Variants in NF1 observed in about 807,000 individuals in gnomAD.
The protein encoded by NF1 is neurofibromin 1.
NF1 carries 122 observed loss-of-function variants against 325.7 expected under a neutral mutation model. That is an observed-to-expected ratio of 0.37 (90% CI 0.32 to 0.44). The LOEUF (loss-of-function observed/expected upper bound fraction) is 0.44, where lower values mean the gene tolerates loss of function less well. NF1 is among the 20% of genes least tolerant of loss of function. The pLI, the probability that NF1 is intolerant of heterozygous loss-of-function variation, is 1.00. For missense variants in NF1, 2,140 were observed against 3,415.4 expected, an observed-to-expected ratio of 0.63 and a Z score of 9.31; for synonymous variants, 1,091 against 1,186.0, an observed-to-expected ratio of 0.92 and a Z score of 1.65.
At chr17:31,237,642 A>C (rs1597724671) in intron 29 of NF1, among the ~76,000 whole-genome samples, 2 of 138,732 alleles carry the variant, frequency 1.4e-5, no homozygotes, top group African/African-American at 2.8e-5. Flanking sequence ...TTTCTTGACA[A>C]CTTCTCATGT....
intron 8 of NF1, among the ~76,000 whole-genome samples, chr17:31,183,919 AC>A (rs1490076176): frequency 6.6e-6 from 1 of 152,136 alleles, no homozygotes; most frequent in Admixed American, 6.5e-5. Flanking sequence ...TAGCCTGCAG[AC>A]GGCCTATTGT....
rs141627106 is a variant in NF1 at position 31,219,772 on chromosome 17, A to G, written c.1641+654A>G. ...AACTACTAATCTATTTTCTGTCTCT[A>G]TGGATTTGCTTGTTTTAGATATTTC... On this transcript the variant is annotated intron_variant, in intron 14 of 57. Coordinates refer to ENST00000358273, the MANE Select transcript of NF1 (RefSeq NM_001042492.3). 3.9e-3 allele frequency among the ~76,000 whole-genome samples: 596 copies of G among 152,096 alleles called. 2 individuals carry two copies. Among genetic ancestry groups the G allele is most frequent in the African/African-American group, 6.8e-3 (282 of 41,504 alleles).
At chr17:31,282,226 CA>C (rs1419303987) in intron 36 of NF1, among the ~76,000 whole-genome samples, 2 of 151,634 alleles carry the variant, frequency 1.3e-5, no homozygotes, top group African/African-American at 4.8e-5. Flanking sequence ...ACTAAAAATA[CA>C]AAAAATCAGC....
intron 15 of NF1, chr17:31,222,429 C>A: frequency 9.7e-7 from 1 of 1,032,296 alleles, no homozygotes; most frequent in Non-Finnish European, 1.2e-6. Flanking sequence ...CAAATCATTA[C>A]ATTTTAATGA....
intron 36 of NF1, among the ~76,000 whole-genome samples, chr17:31,274,556 C>G (rs921296177): frequency 6.6e-6 from 1 of 152,068 alleles, no homozygotes; most frequent in East Asian, 1.9e-4. Flanking sequence ...AATAACTTCA[C>G]TTAACTGGAG....
intron 36 of NF1, among the ~76,000 whole-genome samples, chr17:31,311,454 T>C (rs572894645): frequency 6.6e-6 from 1 of 152,302 alleles, no homozygotes; most frequent in South Asian, 2.1e-4. Context: ...GATGCAAATA[T>C]AATAGATTAA....
Position 31,229,364 on chromosome 17 carries a change from G to A in NF1, c.2749G>A (p.Val917Ile), listed in dbSNP as rs752455591. The change falls in exon 21 of 58, where the codon GTT becomes ATT. Residue 917 changes from valine to isoleucine, a missense_variant. By Grantham distance (29) the Val-to-Ile change is conservative (BLOSUM62 3). Around this residue, in one of 10 missense-constraint regions of NF1, gnomAD observed 380 missense variants for 639.3 expected, o/e 0.59. Transcript: ENST00000358273. The part of the protein sequence containing the change: ...EKVGLQIRTN[V>I]KDLVGLELSP... ...AGTGGGACTTCAAATACGGACCAAT[G>A]TTAAGGATCTGGTGGGTCTAGAATT... The A allele has an allele frequency of 5.6e-6, 9 of 1,613,936 alleles. No individual in the cohort carries two copies. The highest frequency in any genetic ancestry group is 1.7e-4 in the Middle Eastern group (1 of 6,056).
chr17:31,111,286 T>C (rs1811337767), intron 1 of NF1, among the ~76,000 whole-genome samples: 2 of 151,216 alleles, frequency 1.3e-5, no homozygotes, highest in Admixed American at 1.3e-4. Context: ...AAAAGTCTAA[T>C]GTGTAATTGG....
chr17:31,312,177 C>T (rs1034677646), intron 36 of NF1, among the ~76,000 whole-genome samples: 1 of 151,946 alleles, frequency 6.6e-6, no homozygotes, highest in East Asian at 1.9e-4. Context: ...AAAACACAGG[C>T]ACTACTAGTA....
intron 36 of NF1, among the ~76,000 whole-genome samples, chr17:31,312,264 C>A (rs764555382): frequency 1.1e-4 from 16 of 152,062 alleles, no homozygotes; most frequent in Non-Finnish European, 1.9e-4. Context: ...AATCCCAGCA[C>A]TTTGGGAGGC....
Position 31,139,682 on chromosome 17 carries a change from G to A in NF1, c.61-16301G>A, listed in dbSNP as rs1251741983. Among the ~76,000 whole-genome samples, 8 of 152,122 alleles carry A rather than the reference G, an allele frequency of 5.3e-5. No homozygotes were observed. Among genetic ancestry groups the A allele is most frequent in the Non-Finnish European group, 8.8e-5 (6 of 68,012 alleles). ...ATTAGTTTGTTCCAGAAAATATTGC[G>A]TGGTTGGTTGCCTGGGAAGATGTAT... On this transcript the variant is annotated intron_variant, in intron 1 of 57. Transcript: ENST00000358273.
Position 31,376,897 on chromosome 17 carries a change from G to A in NF1, c.*2742G>A, listed in dbSNP as rs988759374. On this transcript the variant is annotated 3_prime_UTR_variant, in exon 58 of 58. Transcript: ENST00000358273. ...TTTGGGGCAAAGTGGCTACAGCTCTGTCTTCCATTCACTCAACACCTGTTC... is the reference window on the plus strand; with the variant it reads ...TTTGGGGCAAAGTGGCTACAGCTCTATCTTCCATTCACTCAACACCTGTTC... The A allele has an allele frequency of 1.3e-5, 3 of 233,128 alleles. No individual in the cohort carries two copies. The highest frequency in any genetic ancestry group is 2.5e-5 in the Non-Finnish European group (3 of 118,074). The allele number at this position is 233,128 out of a possible 1,614,324, so 14.4% of individuals were successfully genotyped here.
intron 1 of NF1, among the ~76,000 whole-genome samples, chr17:31,120,857 C>A (rs763506601): frequency 4.0e-5 from 6 of 151,726 alleles, no homozygotes; most frequent in Non-Finnish European, 8.8e-5. Flanking sequence ...TTTAAGAATC[C>A]AGTGTAATTT....
intron 54 of NF1, 194 bp from the exon 55 acceptor site, chr17:31,358,282 GACAA>G (rs769845615): frequency 4.3e-5 from 26 of 602,698 alleles, no homozygotes; most frequent in Non-Finnish European, 7.5e-5. Context: ...AAAAACAAAA[GACAA>G]ACAAAAACAG....
intron 35 of NF1, among the ~76,000 whole-genome samples, chr17:31,263,107 G>GATAGATAGA (rs2067719524): frequency 1.7e-5 from 1 of 60,018 alleles, no homozygotes; most frequent in Non-Finnish European, 4.9e-5. Flanking sequence ...AGGTAGGTAG[G>GATAGATAGA]TAGATAGATA....
At chr17:31,314,280 AT>A (rs2068964541) in intron 36 of NF1, 1 of 308,804 alleles carries the variant, frequency 3.2e-6, no homozygotes, top group South Asian at 1.6e-4. Context: ...CTCTAGTAAT[AT>A]GATTATGTAA....
chr17:31,253,085 A>T, intron 31 of NF1, 85 bp downstream of exon 31: 2 of 1,058,974 alleles, frequency 1.9e-6, no homozygotes, highest in Non-Finnish European at 2.8e-6. Flanking sequence ...TCTTCACTTC[A>T]GCCTATTTGA....
chr17:31,350,340 T>C lies in NF1; in HGVS notation c.7457+22T>C, dbSNP rs777558851. 3 of 1,601,994 alleles carry C rather than the reference T, an allele frequency of 1.9e-6. No homozygotes were observed. The Admixed American group carries it at 5.0e-5, about 27-fold the overall frequency. ...ATAGGTAAGTGGATTTACTCTCCTA[T>C]AATTACATAATCATAATCAAGTTTC... On this transcript the variant is annotated intron_variant, in intron 50 of 57. Transcript: ENST00000358273.
chr17:31,108,398 C>T (rs148164034), intron 1 of NF1, among the ~76,000 whole-genome samples: 61 of 150,914 alleles, frequency 4.0e-4, no homozygotes, highest in African/African-American at 1.3e-3. Flanking sequence ...CTCAGCCTCC[C>T]GAGTAGCTGA....
Sources: allele counts gnomAD v4.1 joint callset (sites outside exome capture counted in the v4.1 genomes callset), GRCh38; gene constraint gnomAD v4.1.1; regional missense constraint gnomAD v4.1.1; transcripts MANE v1.5; gene names NCBI Gene and HGNC (gene_info 2026-07-23, HGNC 2026-07-21).